DNAH11: variants seen among roughly 807,000 people sequenced by gnomAD.
DNAH11 encodes axonemal beta dynein heavy chain 11.
In DNAH11, 442 loss-of-function variants were observed where a neutral mutation model predicts 526.0. That is an observed-to-expected ratio of 0.84 (90% confidence interval 0.78 to 0.91). The LOEUF is 0.91. Among genes scored for constraint, DNAH11 ranks in the 40% least tolerant of loss-of-function variants. The pLI, the probability that DNAH11 is intolerant of heterozygous loss-of-function variation, is 0.00. For missense variants in DNAH11, 6,989 were observed against 5,448.7 expected, an observed-to-expected ratio of 1.28 and a Z score of -8.90; for synonymous variants, 2,461 against 1,935.9, an observed-to-expected ratio of 1.27 and a Z score of -7.12.
At chr7:21,707,576 T>C in intron 39 of DNAH11, 123 bp from the exon 40 acceptor site, 2 of 1,240,102 alleles carry the variant, frequency 1.6e-6, no homozygotes, top group Non-Finnish European at 2.2e-6. Context: ...CCCTTCTCGA[T>C]CTTAGCACAC....
At chr7:21,655,247 A>T (rs1162536908) in intron 28 of DNAH11, among the ~76,000 whole-genome samples, 1 of 152,124 alleles carries the variant, frequency 6.6e-6, no homozygotes, top group Non-Finnish European at 1.5e-5. Context: ...ACTTTTAGTT[A>T]TGTCAACTTG....
chr7:21,736,432 A>T (rs572169534), intron 46 of DNAH11, among the ~76,000 whole-genome samples: 208 of 152,286 alleles, frequency 1.4e-3, no homozygotes, highest in African/African-American at 4.8e-3. Context: ...AAGGCCAGTC[A>T]ATCTCCAGCA....
At position 21,601,165 on chromosome 7, in the gene DNAH11, A is replaced by C; in HGVS notation, c.3411A>C (p.Arg1137Ser). ...WSWMFQEHLL[R>S]FVIDSLNELQ... ...GGATGTTTCAGGAGCATCTTTTGAG[A>C]TTTGTCATTGACAGGTAGCCTTTTA... Residue 1137 changes from arginine to serine, a missense_variant, in exon 17 of 82, where the codon AGA (arginine) becomes AGC (serine). By Grantham distance (110) the Arg-to-Ser change is moderately radical. Coordinates refer to ENST00000409508, the MANE Select transcript of DNAH11 (RefSeq NM_001277115.2). 6.3e-7 allele frequency: 1 copy of C among 1,599,586 alleles called. No homozygotes were observed. The highest frequency in any genetic ancestry group is 8.5e-7 in the Non-Finnish European group (1 of 1,176,786).
At chr7:21,814,530 C>A (rs1789687152) in intron 63 of DNAH11, among the ~76,000 whole-genome samples, 1 of 128,628 alleles carries the variant, frequency 7.8e-6, no homozygotes, top group Admixed American at 8.8e-5. Flanking sequence ...CCCACCCCAC[C>A]ACAGGCCCCA....
At chr7:21,668,184 C>T (rs1197468563) in intron 30 of DNAH11, among the ~76,000 whole-genome samples, 1 of 152,074 alleles carries the variant, frequency 6.6e-6, no homozygotes, top group Non-Finnish European at 1.5e-5. Flanking sequence ...GGGAGCCAGT[C>T]CTTATGGGTC....
At position 21,861,843 on chromosome 7, in the gene DNAH11, A is replaced by G. The variant is rs377032809; in HGVS notation, c.11203-10A>G. 7 of 1,609,894 alleles carry G rather than the reference A, an allele frequency of 4.3e-6. No individual in the cohort carries two copies. Among genetic ancestry groups the G allele is most frequent in the Non-Finnish European group, 5.9e-6 (7 of 1,178,478 alleles). The stretch of plus-strand genomic sequence containing the variant: ...TTGTCACATTTTAATGGTCACATTA[A>G]ATTTCCCAGGCTTTTAACGTGCTGT... On this transcript the variant is annotated splice_polypyrimidine_tract_variant and intron_variant, in intron 68 of 81. Transcript: ENST00000409508.
chr7:21,859,725 T>A (rs746647412), intron 68 of DNAH11, among the ~76,000 whole-genome samples: 118 of 152,208 alleles, frequency 7.8e-4, no homozygotes, highest in African/African-American at 2.5e-3. Flanking sequence ...TATATAGATA[T>A]ATTTTTCAAA....
intron 35 of DNAH11, among the ~76,000 whole-genome samples, chr7:21,696,468 T>G (rs1386683716): frequency 6.6e-6 from 1 of 152,188 alleles, no homozygotes; most frequent in African/African-American, 2.4e-5. Flanking sequence ...TCTAACTTTC[T>G]TGAAAAATTC....
Position 21,894,959 on chromosome 7 carries a change from A to C in DNAH11, c.13009A>C (p.Ser4337Arg). The C allele has an allele frequency of 6.2e-7, 1 of 1,613,996 alleles. No homozygotes were observed. The highest frequency in any genetic ancestry group is 1.7e-5 in the Admixed American group (1 of 60,024). Residue 4337 changes from serine to arginine, a missense_variant, in exon 79 of 82, where the codon AGC (serine) becomes CGC (arginine). By Grantham distance (110) the Ser-to-Arg change is moderately radical. Transcript: ENST00000409508. The part of the protein sequence containing the change: ...LSYDTVPDTW[S>R]KLAYPSTYGL... ...TTATGACACGGTACCAGACACTTGG[A>C]GCAAACTGGCTTATCCTTCTACTTA... is the stretch of plus-strand genomic sequence containing the variant.
chr7:21,600,563 A>G (rs1340690619), intron 15 of DNAH11, 113 bp from the exon 16 acceptor site: 1 of 1,202,954 alleles, frequency 8.3e-7, no homozygotes. Context: ...CATGATTTTT[A>G]ATTTTTCTAA....
chr7:21,899,460 C>CGCAGTGCAGCCCCTGAT lies in DNAH11; in HGVS notation c.13162+16_13162+32dup, dbSNP rs1562612005. On this transcript the variant is annotated intron_variant, in intron 80 of 81. Transcript: ENST00000409508. ...GTCCTTCTTAACTGGTAAGGGCTGA[C>CGCAGTGCAGCCCCTGAT]GCAGTGCAGCCCCTGATGCACACAG... is the stretch of plus-strand genomic sequence containing the variant. The CGCAGTGCAGCCCCTGAT allele has an allele frequency of 6.3e-7, 1 of 1,596,410 alleles. No homozygotes were observed. The highest frequency in any genetic ancestry group is 1.1e-5 in the South Asian group (1 of 90,350).
intron 18 of DNAH11, among the ~76,000 whole-genome samples, chr7:21,602,889 A>G (rs1785148397): frequency 6.6e-6 from 1 of 151,994 alleles, no homozygotes; most frequent in African/African-American, 2.4e-5. Context: ...TTGAGGTGAA[A>G]TGTACTATTC....
At chr7:21,561,954 A>G (rs917596550) in intron 5 of DNAH11, among the ~76,000 whole-genome samples, 2 of 152,204 alleles carry the variant, frequency 1.3e-5, no homozygotes, top group Non-Finnish European at 2.9e-5. Context: ...ATTCACTTCA[A>G]AAATGTTTTA....
chr7:21,620,389 TC>T (rs1351965699), intron 25 of DNAH11, among the ~76,000 whole-genome samples: 2 of 151,946 alleles, frequency 1.3e-5, no homozygotes, highest in Admixed American at 1.3e-4. Context: ...TCTTGCCCCC[TC>T]CCCCCGGCTC....
At position 21,581,998 on chromosome 7, in the gene DNAH11, A is replaced by G. The variant is rs777311249; in HGVS notation, c.1687A>G (p.Asn563Asp). Reference sequence around the variant, plus strand: ...TATTTGTGAAGCTTTCTTTAACTGCAATGGCTTAGAAGCTGCATTTAAGGT... The same window carrying G: ...TATTTGTGAAGCTTTCTTTAACTGCGATGGCTTAGAAGCTGCATTTAAGGT... ...TIICEAFFNC[N>D]GLEAAFKLLT... Residue 563 changes from asparagine to aspartate, a missense_variant, in exon 9 of 82, where the codon AAT becomes GAT. Transcript: ENST00000409508. The G allele has an allele frequency of 1.9e-6, 3 of 1,612,104 alleles. No individual in the cohort carries two copies. Among genetic ancestry groups the G allele is most frequent in the African/African-American group, 1.3e-5 (1 of 74,894 alleles).
chr7:21,585,176 G>A (rs925174347), intron 9 of DNAH11, among the ~76,000 whole-genome samples: 33 of 152,080 alleles, frequency 2.2e-4, no homozygotes, highest in Admixed American at 5.2e-4. Flanking sequence ...TAAGCTTGGC[G>A]GGGGTGTGGC....
Position 21,559,601 on chromosome 7 carries a change from A to G in DNAH11, c.693-2A>G. On this transcript the variant is annotated splice_acceptor_variant, in intron 3 of 81. Transcript: ENST00000409508. LOFTEE classifies it high-confidence loss of function. ...ATTATTTTATTATCTTAATGTTTGT[A>G]GGCCACCGTCAAACGAAAGGATAAT... 5 of 1,595,692 alleles carry G rather than the reference A, an allele frequency of 3.1e-6. No individual in the cohort carries two copies. Among genetic ancestry groups the G allele is most frequent in the Middle Eastern group, 1.7e-4 (1 of 6,018 alleles).
intron 20 of DNAH11, among the ~76,000 whole-genome samples, chr7:21,608,116 C>T (rs572888722): frequency 2.7e-5 from 4 of 150,860 alleles, no homozygotes; most frequent in Non-Finnish European, 5.9e-5. Flanking sequence ...TAACTTTTAA[C>T]CATAGTCAAG....
chr7:21,681,656 G>A lies in DNAH11; in HGVS notation c.5439G>A (p.Val1813=). The change falls in exon 31 of 82, where the codon GTG becomes GTA. Residue 1813 remains valine (V), a synonymous_variant. Transcript: ENST00000409508. The stretch of plus-strand genomic sequence containing the variant: ...TAGATGTCCATGCCAGAGACGTGGT[G>A]GCAAAACTTATTTCTCAGAAGGCAA... The part of the protein sequence containing the change: ...CTIDVHARDV[V]AKLISQKVVS... The A allele has an allele frequency of 6.2e-7, 1 of 1,613,924 alleles. No homozygotes were observed. The highest frequency in any genetic ancestry group is 8.5e-7 in the Non-Finnish European group (1 of 1,179,860).
Sources: gnomAD v4.1 joint callset for allele counts (sites outside exome capture counted in the v4.1 genomes callset) on GRCh38, gnomAD v4.1.1 for gene constraint, MANE v1.5 for transcripts, NCBI Gene and HGNC (gene_info 2026-07-23, HGNC 2026-07-21) for gene names.